Variants in OLA1 observed in about 807,000 individuals in gnomAD.
The protein encoded by OLA1 is obg-like ATPase 1.
OLA1 carries 14 observed loss-of-function variants against 48.4 expected under a neutral mutation model. The observed-to-expected ratio is 0.29, with a 90% CI of 0.19 to 0.45. OLA1 has a LOEUF of 0.45. Among genes scored for constraint, OLA1 ranks in the 20% least tolerant of loss-of-function variants. OLA1 has a pLI of 1.00. For missense variants in OLA1, 325 were observed against 467.1 expected (o/e 0.70, Z 2.80); for synonymous variants, 127 against 150.4 (o/e 0.84, Z 1.14).
At chr2:174,228,771 C>T (rs1245644332) in intron 3 of OLA1, among the ~76,000 whole-genome samples, 11 of 152,126 alleles carry the variant, frequency 7.2e-5, no homozygotes, top group Non-Finnish European at 1.5e-4. Context: ...TTTACATGAA[C>T]GAGATCATAT....
rs1574469590 is a variant in OLA1 at position 174,081,362 on chromosome 2, C to T, written c.870-114G>A. The stretch of plus-strand genomic sequence containing the variant: ...AAATGTTAAAGATAGTAGTAAATGA[C>T]CATTCATCTTTCAGAATACACTGGA... On this transcript the variant is annotated intron_variant, in intron 8 of 10. Transcript: ENST00000284719. The T allele has an allele frequency of 9.9e-6, 7 of 710,250 alleles. No homozygotes were observed. The South Asian group carries it at 1.2e-4, about 12-fold the overall frequency. 44.0% of individuals were successfully genotyped at this position (710,250 alleles called of 1,614,324 possible). A position where few individuals can be genotyped will look rare whatever the true frequency, so the allele number is the denominator to read the frequency against.
intron 2 of OLA1, among the ~76,000 whole-genome samples, chr2:174,231,181 T>C (rs1346837136): frequency 2.0e-5 from 3 of 152,108 alleles, no homozygotes; most frequent in Admixed American, 6.6e-5. Flanking sequence ...CCCCTCTCCA[T>C]GAAAAAATTT....
At chr2:174,177,464 A>G (rs1017637278) in intron 4 of OLA1, among the ~76,000 whole-genome samples, 1 of 152,158 alleles carries the variant, frequency 6.6e-6, no homozygotes, top group Non-Finnish European at 1.5e-5. Context: ...TAACTGCATG[A>G]AAGTCTTTCA....
At position 174,081,213 on chromosome 2, in the gene OLA1, G is replaced by C; in HGVS notation, c.905C>G (p.Ala302Gly). Residue 302 changes from alanine to glycine, a missense_variant, in exon 9 of 11, where the codon GCA (alanine) becomes GGA (glycine). By Grantham distance (60) the Ala-to-Gly change is moderately conservative (BLOSUM62 0). Transcript: ENST00000284719. ...AGTGAAAAAGTATTCTAGTTGGAGT[G>C]CTGCAAACCCAGCCTTAATGATCTT... ...LPKIIKAGFA[A>G]LQLEYFFTAG... 6.2e-7 allele frequency: 1 copy of C among 1,611,292 alleles called. No homozygotes were observed.
chr2:174,229,689 G>A (rs1250209152), intron 2 of OLA1, among the ~76,000 whole-genome samples: 2 of 152,194 alleles, frequency 1.3e-5, no homozygotes, highest in Non-Finnish European at 2.9e-5. Context: ...TTTGAAACTT[G>A]AAAAGCATGT....
At chr2:174,105,443 T>G (rs962098414) in intron 7 of OLA1, among the ~76,000 whole-genome samples, 1 of 152,018 alleles carries the variant, frequency 6.6e-6, no homozygotes, top group Non-Finnish European at 1.5e-5. Context: ...AAAACAAATA[T>G]AGTTTTTTCT....
At chr2:174,119,139 T>A (rs1253844684) in intron 7 of OLA1, among the ~76,000 whole-genome samples, 1 of 151,440 alleles carries the variant, frequency 6.6e-6, no homozygotes, top group Non-Finnish European at 1.5e-5. Flanking sequence ...TTTTTCCCCA[T>A]CCCCACTTCT....
Position 174,229,321 on chromosome 2 carries a change from G to A in OLA1, c.232C>T (p.His78Tyr). The A allele has an allele frequency of 6.2e-7, 1 of 1,612,008 alleles. No homozygotes were observed. The highest frequency in any genetic ancestry group is 8.5e-7 in the Non-Finnish European group (1 of 1,179,828). ...DERFDFLCQYHKPASKIPAFL... is the reference protein window; with the variant it reads ...DERFDFLCQYYKPASKIPAFL... ...AATATCTCTTACCTTGCTGGTTTGT[G>A]GTATTGACAAAGAAAGTCAAACCTT... The change falls in exon 3 of 11, where the codon CAC becomes TAC. Residue 78 changes from histidine to tyrosine, a missense_variant. Physicochemically the swap from His to Tyr is moderately conservative, Grantham distance 83. Transcript: ENST00000284719.
At chr2:174,144,949 AAAATATATATAT>A (rs1210435290) in intron 4 of OLA1, among the ~76,000 whole-genome samples, 13 of 57,156 alleles carry the variant, frequency 2.3e-4, no homozygotes, top group African/African-American at 6.9e-4. Flanking sequence ...AAAAAAAAAA[AAAATATATATAT>A]ATATATATAT....
At chr2:174,188,395 T>TAAA (rs1553487173) in intron 4 of OLA1, among the ~76,000 whole-genome samples, 19 of 151,646 alleles carry the variant, frequency 1.3e-4, no homozygotes, top group African/African-American at 4.1e-4. Context: ...ATAATAATAA[T>TAAA]AAATACCGTA....
chr2:174,125,277 C>A (rs1338746276), intron 5 of OLA1, among the ~76,000 whole-genome samples: 1 of 152,158 alleles, frequency 6.6e-6, no homozygotes, highest in African/African-American at 2.4e-5. Context: ...TGGCCACCTG[C>A]AAATTCTGAA....
At chr2:174,163,125 AG>A (rs1475595307) in intron 4 of OLA1, among the ~76,000 whole-genome samples, 2 of 152,204 alleles carry the variant, frequency 1.3e-5, no homozygotes, top group Non-Finnish European at 2.9e-5. Flanking sequence ...TCTAGTGTGC[AG>A]ATGATTCCCA....
intron 2 of OLA1, among the ~76,000 whole-genome samples, chr2:174,232,530 C>T (rs944020219): frequency 6.6e-6 from 1 of 152,144 alleles, no homozygotes; most frequent in Admixed American, 6.5e-5. Flanking sequence ...ACTTCAGCAG[C>T]AATGATCACA....
Position 174,075,395 on chromosome 2 carries a change from G to T in OLA1, c.*31C>A. 7.6e-7 allele frequency: 1 copy of T among 1,323,334 alleles called. No homozygotes were observed. Among genetic ancestry groups the T allele is most frequent in the Non-Finnish European group, 1.1e-6 (1 of 926,948 alleles). The allele number at this position is 1,323,334 out of a possible 1,614,324, so 82.0% of individuals were successfully genotyped here. On this transcript the variant is annotated 3_prime_UTR_variant, in exon 11 of 11. Transcript: ENST00000284719. ...TTTAAAAATCAGATGCCTTTTGGAA[G>T]TTGTATGTTTATCTGAGCAATAACT...
chr2:174,082,063 A>G lies in OLA1; in HGVS notation c.730T>C (p.Leu244=). ...TCCACCCACTCTTTAATTTTTATCA[A>G]CCTGTAGACAAAAAAGGGCACAACA... ...KDYIRKKNKW[L]IKIKEWVDKY... is the part of the protein sequence containing the mutation. The change falls in exon 8 of 11, where the codon TTG becomes CTG. Residue 244 remains leucine, a splice_region_variant and synonymous_variant. Transcript: ENST00000284719. 6.2e-7 allele frequency: 1 copy of G among 1,612,814 alleles called. No individual in the cohort carries two copies. The highest frequency in any genetic ancestry group is 2.2e-5 in the East Asian group (1 of 44,838).
At chr2:174,138,703 T>C (rs537571439) in intron 5 of OLA1, among the ~76,000 whole-genome samples, 1 of 152,278 alleles carries the variant, frequency 6.6e-6, no homozygotes, top group Admixed American at 6.5e-5. Context: ...TAAAATGAAG[T>C]ATGCCTGTAT....
chr2:174,153,994 G>A (rs901652959), intron 4 of OLA1, among the ~76,000 whole-genome samples: 2 of 152,098 alleles, frequency 1.3e-5, no homozygotes, highest in African/African-American at 4.8e-5. Context: ...AGCCTCCTGA[G>A]TAGGTGGAAC....
At chr2:174,243,395 C>T (rs941404943) in intron 2 of OLA1, among the ~76,000 whole-genome samples, 8 of 152,200 alleles carry the variant, frequency 5.3e-5, no homozygotes, top group Non-Finnish European at 1.0e-4. Context: ...TGCCACCGCA[C>T]TCCAGCCTGG....
intron 4 of OLA1, among the ~76,000 whole-genome samples, chr2:174,147,204 A>G (rs563535351): frequency 6.6e-6 from 1 of 152,284 alleles, no homozygotes; most frequent in East Asian, 1.9e-4. Context: ...AGGTGGGCGG[A>G]TCACCTGAGG....
Sources: gnomAD v4.1 joint callset for allele counts (sites outside exome capture counted in the v4.1 genomes callset) on GRCh38, gnomAD v4.1.1 for gene constraint, MANE v1.5 for transcripts, NCBI Gene and HGNC (gene_info 2026-07-23, HGNC 2026-07-21) for gene names.